SLC25A42: variants seen among roughly 807,000 people sequenced by gnomAD.
SLC25A42 encodes solute carrier family 25 member 42.
Under a neutral mutation model 34.7 loss-of-function variants are expected in SLC25A42, and 19 were observed. The ratio of observed to expected loss-of-function variants is 0.55; its 90% CI spans 0.38 to 0.80. SLC25A42 has a LOEUF of 0.80. Among genes scored for constraint, SLC25A42 ranks in the 30% least tolerant of loss-of-function variants. SLC25A42 has a pLI of 0.00. For synonymous variants in SLC25A42, 205 were observed against 191.2 expected (o/e 1.07, Z -0.59); for missense variants, 364 against 441.3 (o/e 0.82, Z 1.57).
chr19:19,106,492 G>A (rs1028340769), intron 6 of SLC25A42, 107 bp downstream of exon 6: 7 of 844,770 alleles, frequency 8.3e-6, no homozygotes, highest in African/African-American at 6.8e-5. Flanking sequence ...TTGCATCTGG[G>A]CCTCCGTGTC....
At chr19:19,103,417 A>G (rs887419582) in intron 3 of SLC25A42, among the ~76,000 whole-genome samples, 1 of 152,136 alleles carries the variant, frequency 6.6e-6, no homozygotes, top group African/African-American at 2.4e-5. Flanking sequence ...TTATAAGGAC[A>G]CCAATTCGCA....
chr19:19,072,629 C>T (rs774858368), intron 1 of SLC25A42, among the ~76,000 whole-genome samples: 5 of 151,854 alleles, frequency 3.3e-5, no homozygotes, highest in African/African-American at 9.7e-5. Flanking sequence ...GTGATCTGCC[C>T]GCCTCGGCCT....
intron 2 of SLC25A42, among the ~76,000 whole-genome samples, chr19:19,098,289 G>A (rs1599683218): frequency 6.6e-6 from 1 of 152,144 alleles, no homozygotes; most frequent in East Asian, 1.9e-4. Flanking sequence ...TTATGGACGT[G>A]TGTTCCTGAT....
At position 19,112,922 on chromosome 19, in the gene SLC25A42, G is replaced by A. The variant is rs117409075; in HGVS notation, c.*2046G>A. On this transcript the variant is annotated 3_prime_UTR_variant, in exon 8 of 8. Coordinates refer to ENST00000318596, the MANE Select transcript of SLC25A42 (RefSeq NM_178526.5). This position sits in a 1 kb window ranked among gnomAD's most constrained non-coding sequence, Gnocchi z 4.3. Reference sequence around the variant, plus strand: ...TCCTGGCTCTTCTTTGGCTCTGACCGCCCCCCCATCTTCCCCCATGAACCC... The same window carrying A: ...TCCTGGCTCTTCTTTGGCTCTGACCACCCCCCCATCTTCCCCCATGAACCC... The A allele has an allele frequency of 3.0e-3, 453 of 149,434 alleles. 1 individual carries two copies. The highest frequency in any genetic ancestry group is 5.1e-3 in the Non-Finnish European group (344 of 67,422). The allele number at this position is 149,434 out of a possible 1,614,324, so 9.3% of individuals were successfully genotyped here.
At chr19:19,064,379 C>G (rs868761265) in intron 1 of SLC25A42, among the ~76,000 whole-genome samples, 7 of 151,526 alleles carry the variant, frequency 4.6e-5, no homozygotes, top group Non-Finnish European at 7.4e-5. Flanking sequence ...GGGGCCTTGT[C>G]CCCGGCGCCC....
At chr19:19,103,807 A>C (rs2059811089) in intron 3 of SLC25A42, among the ~76,000 whole-genome samples, 1 of 152,140 alleles carries the variant, frequency 6.6e-6, no homozygotes, top group Admixed American at 6.5e-5. Flanking sequence ...TCCTCCGTAA[A>C]GTGGAGGCAT....
Position 19,106,380 on chromosome 19 carries a change from G to A in SLC25A42, c.492G>A (p.Lys164=), listed in dbSNP as rs1474079013. The A allele has an allele frequency of 3.1e-6, 5 of 1,610,760 alleles. No homozygotes were observed. The African/African-American group carries it at 5.3e-5, about 17-fold the overall frequency. ...GAGCGCGGATGGCCGTAACCCCGAA[G>A]GAAATGTGAGTCCTTACATCGGTGA... ...LVRARMAVTP[K]EMYSNIFHVF... The change falls in exon 6 of 8, where the codon AAG becomes AAA. Residue 164 remains lysine, a synonymous_variant. Transcript: ENST00000318596.
intron 1 of SLC25A42, among the ~76,000 whole-genome samples, chr19:19,075,957 G>A (rs1410049244): frequency 2.6e-5 from 4 of 152,150 alleles, no homozygotes; most frequent in Admixed American, 2.0e-4. Flanking sequence ...CCTGAACCTA[G>A]GGGAGTGTGA....
intron 1 of SLC25A42, among the ~76,000 whole-genome samples, chr19:19,066,081 T>C (rs1287655622): frequency 6.6e-6 from 1 of 152,208 alleles, no homozygotes; most frequent in African/African-American, 2.4e-5. Context: ...GGTCTCGCAC[T>C]CCTGACCCCA....
chr19:19,072,273 G>A (rs577404154), intron 1 of SLC25A42, among the ~76,000 whole-genome samples: 4 of 152,356 alleles, frequency 2.6e-5, no homozygotes, highest in African/African-American at 7.2e-5. Context: ...TTCCTTATTA[G>A]GGAGAACGAT....
At chr19:19,094,978 C>T (rs1476047120) in intron 1 of SLC25A42, among the ~76,000 whole-genome samples, 2 of 151,260 alleles carry the variant, frequency 1.3e-5, no homozygotes, top group African/African-American at 2.4e-5. Context: ...GAGGATCACA[C>T]GAGGCCAGGA....
chr19:19,086,866 T>C lies in SLC25A42; in HGVS notation c.-34-9225T>C, dbSNP rs557052766. Among the ~76,000 whole-genome samples the C allele has an allele frequency of 5.9e-5, 9 of 152,266 alleles. No individual in the cohort carries two copies. In the East Asian group the frequency reaches 1.5e-3, roughly 26 times the overall value. On this transcript the variant is annotated intron_variant, in intron 1 of 7. Transcript: ENST00000318596. ...ATGTTGCCCAGGTTGGACAATGTGATGTTCTGATATATTTACTTTGATATA... is the reference window on the plus strand; with the variant it reads ...ATGTTGCCCAGGTTGGACAATGTGACGTTCTGATATATTTACTTTGATATA...
intron 1 of SLC25A42, among the ~76,000 whole-genome samples, chr19:19,065,064 T>G (rs966181011): frequency 2.0e-5 from 3 of 152,134 alleles, no homozygotes; most frequent in African/African-American, 7.2e-5. Flanking sequence ...CCCACCGCGT[T>G]TGGGCCCATC....
intron 1 of SLC25A42, among the ~76,000 whole-genome samples, chr19:19,078,269 T>G (rs768139668): frequency 6.6e-6 from 1 of 151,972 alleles, no homozygotes; most frequent in Non-Finnish European, 1.5e-5. Flanking sequence ...GTACTTTGTG[T>G]CTCCCTACAA....
chr19:19,095,965 C>T (rs566812150), intron 1 of SLC25A42, 126 bp from the exon 2 acceptor site: 64 of 716,212 alleles, frequency 8.9e-5, no homozygotes, highest in Admixed American at 3.4e-4. Context: ...ACCGTGGCTG[C>T]GGAATGCAGT....
At chr19:19,107,332 A>AC (rs1210319660) in intron 6 of SLC25A42, among the ~76,000 whole-genome samples, 1 of 146,060 alleles carries the variant, frequency 6.8e-6, no homozygotes, top group Non-Finnish European at 1.5e-5. Flanking sequence ...AAAAAAAACA[A>AC]AAAAAGTGTA....
At chr19:19,068,227 C>T (rs934755947) in intron 1 of SLC25A42, among the ~76,000 whole-genome samples, 2 of 151,576 alleles carry the variant, frequency 1.3e-5, no homozygotes, top group Non-Finnish European at 2.9e-5. Context: ...TAGTGGCATG[C>T]GCCTGTAATC....
rs2059798382 is a variant in SLC25A42 at position 19,101,865 on chromosome 19, C to T, written c.166C>T (p.Arg56Ter). 5.6e-6 allele frequency: 9 copies of T among 1,612,916 alleles called. No individual in the cohort carries two copies. The highest frequency in any genetic ancestry group is 1.3e-5 in the African/African-American group (1 of 74,892). ...CAAAACAGCGGTAGCTCCCCTGGACCGAACCAAAATCATCTTCCAAGGTAA... is the reference window on the plus strand; with the variant it reads ...CAAAACAGCGGTAGCTCCCCTGGACTGAACCAAAATCATCTTCCAAGGTAA... The part of the protein sequence containing the change: ...LAKTAVAPLD[R>*]TKIIFQVSSK... Residue 56 changes from arginine to a stop codon, truncating the protein, a stop_gained, in exon 3 of 8, where the codon CGA (arginine) becomes TGA (stop). Transcript: ENST00000318596. LOFTEE classifies it high-confidence loss of function.
chr19:19,074,989 A>T (rs1555765018), intron 1 of SLC25A42, among the ~76,000 whole-genome samples: 1 of 152,064 alleles, frequency 6.6e-6, no homozygotes, highest in Non-Finnish European at 1.5e-5. Context: ...CGTCTCTACT[A>T]AAAATAATTT....
Sources: gnomAD v4.1 joint callset for allele counts (sites outside exome capture counted in the v4.1 genomes callset) on GRCh38, gnomAD v4.1.1 for gene constraint, Gnocchi (gnomAD v3.1) non-coding constraint, MANE v1.5 for transcripts, NCBI Gene and HGNC (gene_info 2026-07-23, HGNC 2026-07-21) for gene names.